HTR1E: variants seen among roughly 807,000 people sequenced by gnomAD.
The protein encoded by HTR1E is 5-HT-1E.
HTR1E carries 3 observed loss-of-function variants against 3.4 expected under a neutral mutation model. That is an observed-to-expected ratio of 0.89 (90% confidence interval 0.41 to 2.31). HTR1E has a LOEUF of 2.31. Ranked by LOEUF, HTR1E falls within the 30% of genes most tolerant of loss-of-function variation. HTR1E has a pLI of 0.05. For synonymous variants in HTR1E, 170 were observed against 182.8 expected (o/e 0.93, Z 0.56); for missense variants, 392 against 467.0 (o/e 0.84, Z 1.48).
At chr6:87,014,399 G>A (rs898050246) in intron 1 of HTR1E, among the ~76,000 whole-genome samples, 2 of 152,104 alleles carry the variant, frequency 1.3e-5, no homozygotes, top group East Asian at 1.9e-4. Context: ...ACAGTATGGC[G>A]ATTCCTCAAG....
intron 1 of HTR1E, among the ~76,000 whole-genome samples, chr6:86,967,259 A>C (rs1767483792): frequency 6.6e-6 from 1 of 152,202 alleles, no homozygotes; most frequent in Non-Finnish European, 1.5e-5. Flanking sequence ...TCACAATTAT[A>C]ATGTGGTATT....
At chr6:87,000,777 AT>A (rs1768010563) in intron 1 of HTR1E, among the ~76,000 whole-genome samples, 1 of 152,244 alleles carries the variant, frequency 6.6e-6, no homozygotes, top group African/African-American at 2.4e-5. Flanking sequence ...AAAGGGGGAC[AT>A]TAATGAGCAA....
intron 1 of HTR1E, among the ~76,000 whole-genome samples, chr6:86,965,636 C>T (rs1160730370): frequency 6.6e-6 from 1 of 152,066 alleles, no homozygotes; most frequent in Non-Finnish European, 1.5e-5. Flanking sequence ...CCAAACCAGT[C>T]CATCCAGGGG....
At chr6:87,011,153 A>G (rs1768227560) in intron 1 of HTR1E, among the ~76,000 whole-genome samples, 1 of 152,258 alleles carries the variant, frequency 6.6e-6, no homozygotes, top group South Asian at 2.1e-4. Flanking sequence ...ATTGCAGCCC[A>G]GAACATCATG....
At chr6:87,011,353 T>G (rs1768232104) in intron 1 of HTR1E, among the ~76,000 whole-genome samples, 1 of 152,200 alleles carries the variant, frequency 6.6e-6, no homozygotes, top group Non-Finnish European at 1.5e-5. Context: ...ACAGGTTGAC[T>G]GGGAAAATGC....
chr6:86,995,647 C>CAG lies in HTR1E; in HGVS notation c.-185-19500_-185-19499dup, dbSNP rs1243751594. Among the ~76,000 whole-genome samples the CAG allele has an allele frequency of 2.1e-4, 23 of 108,638 alleles. 1 individual carries two copies. The highest frequency in any genetic ancestry group is 8.5e-4 in the African/African-American group (22 of 25,932). 71.3% of individuals were successfully genotyped at this position (108,638 alleles called of 152,430 possible). A position where few individuals can be genotyped will look rare whatever the true frequency, so the allele number is the denominator to read the frequency against. ...CACCACTGCACTCCAGCCTGGGTGA[C>CAG]AGAGTGAGACTCCATCTCAAAAAAA... On this transcript the variant is annotated intron_variant, in intron 1 of 1. Coordinates refer to ENST00000305344, the MANE Select transcript of HTR1E (RefSeq NM_000865.3).
At chr6:86,995,881 G>C (rs1767934039) in intron 1 of HTR1E, among the ~76,000 whole-genome samples, 6 of 151,624 alleles carry the variant, frequency 4.0e-5, no homozygotes, top group African/African-American at 1.5e-4. Flanking sequence ...CACAGAAAGA[G>C]AATGACATTA....
intron 1 of HTR1E, among the ~76,000 whole-genome samples, chr6:87,010,513 CG>C (rs1768209067): frequency 7.3e-6 from 1 of 136,792 alleles, no homozygotes; most frequent in Admixed American, 7.1e-5. Flanking sequence ...CCAGATGGGG[CG>C]GCGGGGCAGA....
chr6:86,950,126 T>C (rs1251675785), intron 1 of HTR1E, among the ~76,000 whole-genome samples: 1 of 152,232 alleles, frequency 6.6e-6, no homozygotes, highest in African/African-American at 2.4e-5. Context: ...AATATTATGT[T>C]CAAATTCATA....
chr6:86,968,894 G>C (rs931154520), intron 1 of HTR1E, among the ~76,000 whole-genome samples: 4 of 141,502 alleles, frequency 2.8e-5, no homozygotes, highest in African/African-American at 1.0e-4. Context: ...TTTTTAAAAA[G>C]AAACTTCCTA....
chr6:86,977,222 G>A (rs909538899), intron 1 of HTR1E, among the ~76,000 whole-genome samples: 2 of 152,038 alleles, frequency 1.3e-5, no homozygotes, highest in African/African-American at 4.8e-5. Context: ...AGTGTCTGTT[G>A]TTCCCACGTT....
intron 1 of HTR1E, among the ~76,000 whole-genome samples, chr6:86,960,529 A>G (rs1767390909): frequency 6.6e-6 from 1 of 152,080 alleles, no homozygotes; most frequent in Non-Finnish European, 1.5e-5. Context: ...GTTAGACTCC[A>G]TTTATGACAC....
At chr6:86,969,905 GTCA>G (rs1183802600) in intron 1 of HTR1E, among the ~76,000 whole-genome samples, 4 of 152,176 alleles carry the variant, frequency 2.6e-5, no homozygotes, top group Non-Finnish European at 5.9e-5. Flanking sequence ...CAAACCAGAA[GTCA>G]TCTTACAACA....
At chr6:86,939,560 C>G (rs543204208) in intron 1 of HTR1E, among the ~76,000 whole-genome samples, 1 of 152,320 alleles carries the variant, frequency 6.6e-6, no homozygotes, top group South Asian at 2.1e-4. Context: ...AGCCATGACT[C>G]TGGTCATTAG....
chr6:87,003,221 C>T (rs1037334191), intron 1 of HTR1E, among the ~76,000 whole-genome samples: 1 of 152,062 alleles, frequency 6.6e-6, no homozygotes. Context: ...TCTGAATGAC[C>T]AGTGGGCCAA....
chr6:86,980,177 T>G (rs1395675543), intron 1 of HTR1E, among the ~76,000 whole-genome samples: 3 of 151,822 alleles, frequency 2.0e-5, no homozygotes, highest in Non-Finnish European at 4.4e-5. Flanking sequence ...CATGAGGTCA[T>G]GAGATGGAGA....
chr6:87,010,431 AG>A (rs1768200990), intron 1 of HTR1E, among the ~76,000 whole-genome samples: 1 of 139,816 alleles, frequency 7.2e-6, no homozygotes, highest in African/African-American at 2.7e-5. Flanking sequence ...ACTTCCCAGT[AG>A]GGGCGACCGG....
intron 1 of HTR1E, among the ~76,000 whole-genome samples, chr6:86,974,307 T>C (rs1031548670): frequency 6.6e-6 from 1 of 152,214 alleles, no homozygotes; most frequent in Non-Finnish European, 1.5e-5. Flanking sequence ...AGAAAATTAA[T>C]ATTGAAATAT....
At chr6:87,005,061 T>A (rs1768081383) in intron 1 of HTR1E, among the ~76,000 whole-genome samples, 1 of 152,080 alleles carries the variant, frequency 6.6e-6, no homozygotes, top group South Asian at 2.1e-4. Context: ...CAGTGAAAAC[T>A]ATAAAACATG....
Sources: gnomAD v4.1 joint callset for allele counts (sites outside exome capture counted in the v4.1 genomes callset) on GRCh38, gnomAD v4.1.1 for gene constraint, MANE v1.5 for transcripts, NCBI Gene and HGNC (gene_info 2026-07-23, HGNC 2026-07-21) for gene names.